NMD3: variants seen among roughly 807,000 people sequenced by gnomAD.
The protein encoded by NMD3 is NMD3 ribosome export adaptor.
In NMD3, 47 loss-of-function variants were observed where a neutral mutation model predicts 73.1. The observed-to-expected ratio is 0.64, with a 90% CI of 0.51 to 0.82. The LOEUF is 0.82. NMD3 is among the 40% of genes least tolerant of loss of function. NMD3 has a pLI of 0.00. For synonymous variants in NMD3, 210 were observed against 194.5 expected (o/e 1.08, Z -0.66); for missense variants, 554 against 612.5 (o/e 0.90, Z 1.01).
At chr3:161,244,567 A>G (rs1267885082) in intron 11 of NMD3, among the ~76,000 whole-genome samples, 1 of 151,778 alleles carries the variant, frequency 6.6e-6, no homozygotes, top group Non-Finnish European at 1.5e-5. Context: ...CTCCTGAAGT[A>G]TAAGTATTGT....
At chr3:161,250,076 T>A (rs564926972) in intron 14 of NMD3, among the ~76,000 whole-genome samples, 180 bp from the exon 15 acceptor site, 1 of 152,240 alleles carries the variant, frequency 6.6e-6, no homozygotes, top group Non-Finnish European at 1.5e-5. Flanking sequence ...ATTCAAAAAG[T>A]GGCTTTAATG....
chr3:161,236,351 C>T (rs942988578), intron 7 of NMD3, among the ~76,000 whole-genome samples: 11 of 152,040 alleles, frequency 7.2e-5, no homozygotes, highest in African/African-American at 2.7e-4. Flanking sequence ...AACACTTGTT[C>T]TTATATTTTT....
downstream of NMD3, chr3:161,253,254 C>T (rs1380142600): frequency 6.6e-6 from 1 of 152,480 alleles, no homozygotes; most frequent in Non-Finnish European, 1.5e-5. Context: ...CTGGTCAGTA[C>T]TTAGTACCAG....
Position 161,250,772 on chromosome 3 carries a change from T to G in NMD3, c.1382-8T>G, listed in dbSNP as rs1737453413. ...TGTATTTATTTTATTCTCTTTGTATTTTTTTAGATTCAGCCATCCCTGTGG... is the reference window on the plus strand; with the variant it reads ...TGTATTTATTTTATTCTCTTTGTATGTTTTTAGATTCAGCCATCCCTGTGG... On this transcript the variant is annotated splice_region_variant and splice_polypyrimidine_tract_variant and intron_variant, in intron 15 of 15. Coordinates refer to ENST00000351193, the MANE Select transcript of NMD3 (RefSeq NM_015938.5). 1.3e-6 allele frequency: 2 copies of G among 1,584,870 alleles called. No individual in the cohort carries two copies. The highest frequency in any genetic ancestry group is 1.3e-5 in the African/African-American group (1 of 74,306).
At chr3:161,230,448 C>G (rs74285282) in intron 4 of NMD3, among the ~76,000 whole-genome samples, 3,782 of 152,092 alleles carry the variant, frequency 0.025, 113 homozygotes, top group East Asian at 0.072. Context: ...GGATACATTT[C>G]TTAAGATGGT....
intron 7 of NMD3, among the ~76,000 whole-genome samples, chr3:161,235,603 A>G (rs1736727066): frequency 6.6e-6 from 1 of 152,124 alleles, no homozygotes; most frequent in African/African-American, 2.4e-5. Context: ...GTTAGAAAGA[A>G]AGCTTGCCTT....
intron 13 of NMD3, 144 bp downstream of exon 13, chr3:161,247,474 A>AT (rs372150378): frequency 0.05 from 17,720 of 351,004 alleles, 93 homozygotes; most frequent in African/African-American, 0.065. Flanking sequence ...TAATAGCAAA[A>AT]TTTTTTTTTT....
At chr3:161,227,150 GC>G (rs1736349662) in intron 3 of NMD3, 96 bp from the exon 4 acceptor site, 1 of 640,054 alleles carries the variant, frequency 1.6e-6, no homozygotes, top group Non-Finnish European at 2.7e-6. Flanking sequence ...GTTTTATTAT[GC>G]CTGGTTAATA....
chr3:161,229,217 G>A (rs1268506394), intron 4 of NMD3, among the ~76,000 whole-genome samples: 2 of 152,282 alleles, frequency 1.3e-5, no homozygotes, highest in Admixed American at 6.5e-5. Flanking sequence ...AGTATAGAGG[G>A]TGAAGGGCAG....
rs375569341 is a variant in NMD3, at chr3:161,249,528, A to T, written c.1278A>T (p.Arg426Ser). Reference sequence around the variant, plus strand: ...ACTGGAAATTGAAAGAGCTTGCAAGAGAGAGAGAAAACATGGATACAGATG... The same window carrying T: ...ACTGGAAATTGAAAGAGCTTGCAAGTGAGAGAGAAAACATGGATACAGATG... The part of the protein sequence containing the change: ...RRNWKLKELA[R>S]ERENMDTDDE... Residue 426 changes from arginine to serine, a missense_variant, in exon 14 of 16, where the codon AGA becomes AGT. By Grantham distance (110) the Arg-to-Ser change is moderately radical (BLOSUM62 -1). Transcript: ENST00000351193. The T allele has an allele frequency of 6.2e-6, 10 of 1,612,156 alleles. No individual in the cohort carries two copies. Among genetic ancestry groups the T allele is most frequent in the Non-Finnish European group, 8.5e-6 (10 of 1,178,468 alleles).
At chr3:161,234,889 C>A in intron 6 of NMD3, 34 bp downstream of exon 6, 2 of 1,605,006 alleles carry the variant, frequency 1.2e-6, no homozygotes, top group South Asian at 2.2e-5. Context: ...AGTCCTACAT[C>A]TTATATTTCG....
chr3:161,250,263 C>G lies in NMD3; in HGVS notation c.1318C>G (p.Gln440Glu). Residue 440 changes from glutamine to glutamate, a missense_variant, in exon 15 of 16, where the codon CAA (glutamine) becomes GAA (glutamate). Transcript: ENST00000351193. ...NMDTDDERQY[Q>E]DFLEDLEEDE... The stretch of plus-strand genomic sequence containing the variant: ...TTAAATGTTTATTTAAAGGCAATAC[C>G]AAGATTTTCTTGAAGATCTTGAAGA... 1 of 1,558,216 alleles carries G rather than the reference C, an allele frequency of 6.4e-7. No individual in the cohort carries two copies. The highest frequency in any genetic ancestry group is 8.8e-7 in the Non-Finnish European group (1 of 1,131,516).
chr3:161,241,402 A>G (rs2108093495), intron 10 of NMD3, among the ~76,000 whole-genome samples: 1 of 150,212 alleles, frequency 6.7e-6, no homozygotes, highest in African/African-American at 2.4e-5. Context: ...TTATTCCATT[A>G]ATTTTTACTG....
chr3:161,221,440 C>G (rs1443330384), intron 1 of NMD3, 31 bp downstream of exon 1: 1 of 152,366 alleles, frequency 6.6e-6, no homozygotes, highest in African/African-American at 2.4e-5. Context: ...CCTGGGCTGT[C>G]GGCCGCGGGC....
In NMD3 at chr3:161,251,592, GT is replaced by G. The variant is rs544522200; in HGVS notation, c.*684del. 6.6e-6 allele frequency: 1 copy of G among 152,116 alleles called. No homozygotes were observed. The highest frequency in any genetic ancestry group is 1.5e-5 in the Non-Finnish European group (1 of 68,002). The allele number at this position is 152,116 out of a possible 1,614,324, so 9.4% of individuals were successfully genotyped here. A position where few individuals can be genotyped will look rare whatever the true frequency, so the allele number is the denominator to read the frequency against. ...TTATTTAAAGGTTAAATAACAATTT[GT>G]TCTTTTGTTGTTTTTGCCAGTTTAG... On this transcript the variant is annotated 3_prime_UTR_variant, in exon 16 of 16. Transcript: ENST00000351193.
intron 5 of NMD3, among the ~76,000 whole-genome samples, chr3:161,234,440 TA>T (rs1736661562): frequency 5.2e-5 from 2 of 38,608 alleles, no homozygotes; most frequent in Non-Finnish European, 7.7e-5. Flanking sequence ...CAAAAAAAAT[TA>T]TATATATATA....
intron 2 of NMD3, among the ~76,000 whole-genome samples, chr3:161,222,279 A>T (rs1421350796): frequency 2.0e-5 from 3 of 152,066 alleles, no homozygotes; most frequent in Non-Finnish European, 4.4e-5. Context: ...TTTACCATAC[A>T]TCCTTTTAGA....
At chr3:161,235,696 G>A (rs1461453170) in intron 7 of NMD3, among the ~76,000 whole-genome samples, 1 of 151,992 alleles carries the variant, frequency 6.6e-6, no homozygotes, top group Non-Finnish European at 1.5e-5. Flanking sequence ...TCTCCTAAGG[G>A]ACGTCTTTTC....
At chr3:161,230,958 G>A (rs1345067898) in intron 4 of NMD3, among the ~76,000 whole-genome samples, 1 of 152,190 alleles carries the variant, frequency 6.6e-6, no homozygotes, top group African/African-American at 2.4e-5. Context: ...AGTGTTGGAT[G>A]GGTGCTGGGC....
Sources: gnomAD v4.1 joint callset for allele counts (sites outside exome capture counted in the v4.1 genomes callset) on GRCh38, gnomAD v4.1.1 for gene constraint, MANE v1.5 for transcripts, NCBI Gene and HGNC (gene_info 2026-07-23, HGNC 2026-07-21) for gene names.